Variants in MED27 observed in about 807,000 individuals in gnomAD.
MED27 encodes the protein mediator complex subunit 27, also known as mediator of RNA polymerase II transcription subunit 27.
In MED27, 30 loss-of-function variants were observed where a neutral mutation model predicts 38.2. The ratio of observed to expected loss-of-function variants is 0.79; its 90% CI spans 0.59 to 1.07. The LOEUF (loss-of-function observed/expected upper bound fraction) is 1.07, where lower values mean the gene tolerates loss of function less well. Among genes scored for constraint, MED27 ranks in the 50% least tolerant of loss-of-function variants. MED27 has a pLI of 0.00. For missense variants in MED27, 289 were observed against 397.5 expected (o/e 0.73, Z 2.32); for synonymous variants, 122 against 153.5 (o/e 0.79, Z 1.52).
chr9:132,009,319 C>T (rs930990392), intron 3 of MED27, among the ~76,000 whole-genome samples: 3 of 152,188 alleles, frequency 2.0e-5, no homozygotes, highest in Non-Finnish European at 4.4e-5. Flanking sequence ...TTCTTTGACA[C>T]GTCTTTCTTC....
rs959557017 is a variant in MED27 at position 132,071,071 on chromosome 9, G to A, written c.348+6371C>T. ...TCTTAAGACAATAATAGCAGCCACTGGAGAGTACTGACTCTGTGCTAGCTT... is the reference window on the plus strand; with the variant it reads ...TCTTAAGACAATAATAGCAGCCACTAGAGAGTACTGACTCTGTGCTAGCTT... On this transcript the variant is annotated intron_variant, in intron 2 of 7. Transcript: ENST00000292035. 3.9e-5 allele frequency among the ~76,000 whole-genome samples: 6 copies of A among 152,164 alleles called. No individual in the cohort carries two copies. The East Asian group carries it at 1.2e-3, about 29-fold the overall frequency.
chr9:132,029,398 T>C (rs746378348), intron 2 of MED27, among the ~76,000 whole-genome samples: 1 of 152,228 alleles, frequency 6.6e-6, no homozygotes, highest in African/African-American at 2.4e-5. Flanking sequence ...TTTTTTGCCA[T>C]ATAATTTGCT....
At chr9:131,929,589 C>G (rs148594964) in intron 4 of MED27, among the ~76,000 whole-genome samples, 1 of 152,094 alleles carries the variant, frequency 6.6e-6, no homozygotes. Context: ...GACTGAAGGG[C>G]CCCCGGACTT....
intron 4 of MED27, among the ~76,000 whole-genome samples, chr9:131,923,408 A>T (rs1830431239): frequency 6.6e-6 from 1 of 152,200 alleles, no homozygotes; most frequent in Non-Finnish European, 1.5e-5. Flanking sequence ...CCAGCCAACC[A>T]ACTGAAGTTT....
At chr9:131,978,743 T>C (rs555552074) in intron 3 of MED27, among the ~76,000 whole-genome samples, 172 of 152,322 alleles carry the variant, frequency 1.1e-3, no homozygotes, top group Middle Eastern at 6.8e-3. Flanking sequence ...TGCCCTGACA[T>C]TTAACCTTGT....
intron 2 of MED27, among the ~76,000 whole-genome samples, chr9:132,026,294 G>A (rs1038845184): frequency 1.3e-5 from 2 of 152,188 alleles, no homozygotes; most frequent in African/African-American, 4.8e-5. Context: ...GGCAACTTGT[G>A]CAACACCTCA....
At chr9:132,009,592 C>T (rs1442581687) in intron 3 of MED27, among the ~76,000 whole-genome samples, 1 of 152,228 alleles carries the variant, frequency 6.6e-6, no homozygotes, top group Non-Finnish European at 1.5e-5. Context: ...CACCAACTTG[C>T]CTGCCATGTG....
intron 4 of MED27, among the ~76,000 whole-genome samples, chr9:131,937,574 G>A (rs551185604): frequency 6.6e-6 from 1 of 152,320 alleles, no homozygotes; most frequent in African/African-American, 2.4e-5. Flanking sequence ...GAACTCATCT[G>A]TGTGGCCTGT....
At chr9:131,936,017 C>T (rs890773525) in intron 4 of MED27, among the ~76,000 whole-genome samples, 2 of 151,544 alleles carry the variant, frequency 1.3e-5, no homozygotes, top group African/African-American at 4.9e-5. Flanking sequence ...CCTGTGGTCC[C>T]AGCTACTCAG....
rs148059664 is a variant in MED27, at chr9:131,947,680, G to GA, written c.480-8207dup. 2.2e-3 allele frequency among the ~76,000 whole-genome samples: 322 copies of GA among 145,596 alleles called. 3 individuals carry two copies. Among genetic ancestry groups the GA allele is most frequent in the Middle Eastern group, 0.017 (5 of 286 alleles). On this transcript the variant is annotated intron_variant, in intron 3 of 7. Coordinates refer to ENST00000292035, the MANE Select transcript of MED27 (RefSeq NM_004269.4). ...CTAAAGACTGACCCCCTCCTCAAAA[G>GA]AAAAAAAAAACACACACACACAACA...
intron 2 of MED27, among the ~76,000 whole-genome samples, chr9:132,048,927 T>C (rs1433095638): frequency 1.1e-4 from 16 of 152,230 alleles, no homozygotes; most frequent in Admixed American, 1.0e-3. Context: ...AACTGCTTAG[T>C]AAATGAGAGA....
At chr9:131,909,294 A>G (rs927728368) in intron 4 of MED27, among the ~76,000 whole-genome samples, 1 of 152,244 alleles carries the variant, frequency 6.6e-6, no homozygotes, top group Non-Finnish European at 1.5e-5. Flanking sequence ...GGCACAGCTG[A>G]GGGCTGAGCT....
At chr9:131,918,566 A>G (rs1376682338) in intron 4 of MED27, among the ~76,000 whole-genome samples, 1 of 152,260 alleles carries the variant, frequency 6.6e-6, no homozygotes. Context: ...AATAAAAACT[A>G]TGTAACATAA....
intron 2 of MED27, among the ~76,000 whole-genome samples, chr9:132,038,046 CAGCAGTACA>C (rs1441941049): frequency 2.0e-5 from 3 of 151,954 alleles, no homozygotes; most frequent in Admixed American, 2.0e-4. Context: ...ATGTCATCTA[CAGCAGTACA>C]AGCTGCTATT....
chr9:131,928,637 T>C (rs1283743410), intron 4 of MED27, among the ~76,000 whole-genome samples: 1 of 152,212 alleles, frequency 6.6e-6, no homozygotes, highest in African/African-American at 2.4e-5. Context: ...CATGCTGGGC[T>C]CAGCTGATGC....
At chr9:132,072,042 G>A (rs1589304256) in intron 2 of MED27, among the ~76,000 whole-genome samples, 1 of 152,036 alleles carries the variant, frequency 6.6e-6, no homozygotes, top group Admixed American at 6.6e-5. Context: ...CCCCGTGAAC[G>A]AGCACACAGG....
intron 2 of MED27, among the ~76,000 whole-genome samples, chr9:132,041,607 T>C (rs1446559137): frequency 6.6e-6 from 1 of 152,214 alleles, no homozygotes; most frequent in Non-Finnish European, 1.5e-5. Flanking sequence ...AGTGCCCATG[T>C]GTGTTGTGAC....
At chr9:132,013,618 T>C (rs10512417) in intron 3 of MED27, among the ~76,000 whole-genome samples, 2,094 of 152,302 alleles carry the variant, frequency 0.014, 25 homozygotes, top group Non-Finnish European at 0.02. Flanking sequence ...GAACCTAGCA[T>C]TTATTCTAAT....
Position 131,883,997 on chromosome 9 carries a change from A to T in MED27, c.723+61T>A. On this transcript the variant is annotated intron_variant, in intron 6 of 7. Coordinates refer to ENST00000292035, the MANE Select transcript of MED27 (RefSeq NM_004269.4). This position sits in a 1 kb window ranked among gnomAD's most constrained non-coding sequence, Gnocchi z 4.2. ...CCTCTGATTTGAGACCAATGTTTAAACCTCAAAGCATTCACGTTTTCCTAA... is the reference window on the plus strand; with the variant it reads ...CCTCTGATTTGAGACCAATGTTTAATCCTCAAAGCATTCACGTTTTCCTAA... The T allele has an allele frequency of 2.1e-6, 3 of 1,431,404 alleles. No individual in the cohort carries two copies. Among genetic ancestry groups the T allele is most frequent in the Non-Finnish European group, 2.9e-6 (3 of 1,026,510 alleles). 88.7% of individuals were successfully genotyped at this position (1,431,404 alleles called of 1,614,324 possible).
Sources: gnomAD v4.1 joint callset for allele counts (sites outside exome capture counted in the v4.1 genomes callset) on GRCh38, gnomAD v4.1.1 for gene constraint, Gnocchi (gnomAD v3.1) non-coding constraint, MANE v1.5 for transcripts, NCBI Gene and HGNC (gene_info 2026-07-23, HGNC 2026-07-21) for gene names.